Variants in EBF1 observed in about 807,000 individuals in gnomAD.
EBF1 encodes the protein transcription factor COE1.
EBF1 carries 10 observed loss-of-function variants against 68.4 expected under a neutral mutation model. The ratio of observed to expected loss-of-function variants is 0.15; its 90% CI spans 0.09 to 0.25. The LOEUF is 0.25. Among genes scored for constraint, EBF1 ranks in the 10% least tolerant of loss-of-function variants. The probability of loss-of-function intolerance (pLI) is 1.00; values close to 1 mark genes in which losing one functional copy is unlikely to be tolerated. For missense variants in EBF1, 509 were observed against 794.4 expected, an observed-to-expected ratio of 0.64 and a Z score of 4.32; for synonymous variants, 298 against 299.8, an observed-to-expected ratio of 0.99 and a Z score of 0.06.
At chr5:158,951,842 A>C (rs557714694) in intron 6 of EBF1, among the ~76,000 whole-genome samples, 1 of 152,370 alleles carries the variant, frequency 6.6e-6, no homozygotes, top group Non-Finnish European at 1.5e-5. Flanking sequence ...AAACAGAGAC[A>C]GGACACAGAA....
At chr5:158,853,430 T>C (rs1481954662) in intron 6 of EBF1, among the ~76,000 whole-genome samples, 5 of 152,196 alleles carry the variant, frequency 3.3e-5, no homozygotes, top group Non-Finnish European at 7.3e-5. Context: ...TTTATGAGAG[T>C]TGAACCCAAA....
At chr5:158,715,800 T>C (rs1453606822) in intron 11 of EBF1, among the ~76,000 whole-genome samples, 1 of 152,188 alleles carries the variant, frequency 6.6e-6, no homozygotes, top group Non-Finnish European at 1.5e-5. Flanking sequence ...AAATTCAGCC[T>C]GTGTTGCCTT....
chr5:158,827,058 A>T lies in EBF1; in HGVS notation c.637-3741T>A, dbSNP rs568579229. ...AACCACCATACTTAACTCATAAGGTAACTGTGAGGCTTAAATTAATTAAAG... is the reference window on the plus strand; with the variant it reads ...AACCACCATACTTAACTCATAAGGTTACTGTGAGGCTTAAATTAATTAAAG... On this transcript the variant is annotated intron_variant, in intron 7 of 15. Transcript: ENST00000313708. Among the ~76,000 whole-genome samples, 3 of 152,296 alleles carry T rather than the reference A, an allele frequency of 2.0e-5. No individual in the cohort carries two copies. The East Asian group carries it at 5.8e-4, about 29-fold the overall frequency.
intron 15 of EBF1, among the ~76,000 whole-genome samples, chr5:158,700,900 G>C (rs1581133545): frequency 6.6e-6 from 1 of 152,190 alleles, no homozygotes; most frequent in East Asian, 1.9e-4. Flanking sequence ...AACCCCCAAA[G>C]ACTTGAGATC....
chr5:158,698,654 C>CTTTTTTTTTTTTTTTT lies in EBF1; in HGVS notation c.*456_*457insAAAAAAAAAAAAAAAA, dbSNP rs1756130738. The CTTTTTTTTTTTTTTTT allele has an allele frequency of 5.4e-6, 1 of 185,610 alleles. No individual in the cohort carries two copies. Among genetic ancestry groups the CTTTTTTTTTTTTTTTT allele is most frequent in the African/African-American group, 2.5e-5 (1 of 40,652 alleles). The allele number at this position is 185,610 out of a possible 1,614,324, so 11.5% of individuals were successfully genotyped here. A position where few individuals can be genotyped will look rare whatever the true frequency, so the allele number is the denominator to read the frequency against. ...GTCCCATACAAGCTTTTTTTTTTTT[C>CTTTTTTTTTTTTTTTT]CTTTTTTTCTTTTTTTTTTTTTTTA... On this transcript the variant is annotated 3_prime_UTR_variant, in exon 16 of 16. Coordinates refer to ENST00000313708, the MANE Select transcript of EBF1 (RefSeq NM_024007.5).
intron 11 of EBF1, among the ~76,000 whole-genome samples, chr5:158,720,040 C>T (rs1415962912): frequency 6.6e-6 from 1 of 152,194 alleles, no homozygotes; most frequent in African/African-American, 2.4e-5. Context: ...CACCAATCTA[C>T]TTTGCTTTAT....
At chr5:158,936,092 G>A (rs1329623548) in intron 6 of EBF1, among the ~76,000 whole-genome samples, 2 of 152,292 alleles carry the variant, frequency 1.3e-5, no homozygotes, top group Non-Finnish European at 1.5e-5. Context: ...ATAAATATAT[G>A]TGCATGTTCC....
intron 6 of EBF1, among the ~76,000 whole-genome samples, chr5:159,049,956 T>G (rs1773199639): frequency 2.0e-5 from 3 of 152,146 alleles, no homozygotes; most frequent in Admixed American, 1.3e-4. Context: ...GCTTTCTCTT[T>G]CTCTCCCTCT....
intron 6 of EBF1, among the ~76,000 whole-genome samples, chr5:158,979,327 TAAAC>T (rs1015133134): frequency 5.3e-5 from 8 of 152,062 alleles, no homozygotes; most frequent in African/African-American, 1.2e-4. Context: ...ATAAAACAAA[TAAAC>T]AAAATCTGTG....
chr5:158,864,650 G>T (rs139448641), intron 6 of EBF1, among the ~76,000 whole-genome samples: 4 of 152,266 alleles, frequency 2.6e-5, no homozygotes, highest in Non-Finnish European at 5.9e-5. Context: ...GTCAGTTACC[G>T]ACTCCAGCTA....
chr5:159,068,682 G>A (rs917745198), intron 6 of EBF1, among the ~76,000 whole-genome samples: 1 of 151,968 alleles, frequency 6.6e-6, no homozygotes, highest in South Asian at 2.1e-4. Context: ...AAATCAACAG[G>A]CAAATGGGCA....
At chr5:158,748,665 C>T (rs758306202) in intron 10 of EBF1, among the ~76,000 whole-genome samples, 1 of 152,162 alleles carries the variant, frequency 6.6e-6, no homozygotes, top group Admixed American at 6.5e-5. Flanking sequence ...ATTAAGTGCT[C>T]ATCTTCACAA....
At chr5:159,076,007 C>T (rs1234617442) in intron 5 of EBF1, among the ~76,000 whole-genome samples, 1 of 151,552 alleles carries the variant, frequency 6.6e-6, no homozygotes, top group Non-Finnish European at 1.5e-5. Flanking sequence ...TGACACCCCA[C>T]CTTTAATCTA....
intron 6 of EBF1, among the ~76,000 whole-genome samples, chr5:158,877,944 A>G (rs1246110945): frequency 1.3e-5 from 2 of 151,794 alleles, no homozygotes; most frequent in East Asian, 1.9e-4. Context: ...GCATATGCCA[A>G]CTCCTGAGTC....
At chr5:158,832,719 A>G (rs1417696196) in intron 7 of EBF1, among the ~76,000 whole-genome samples, 1 of 152,212 alleles carries the variant, frequency 6.6e-6, no homozygotes, top group Non-Finnish European at 1.5e-5. Context: ...AGAATCCTCT[A>G]ATCATTCCCT....
At chr5:158,832,074 A>G (rs1345365579) in intron 7 of EBF1, among the ~76,000 whole-genome samples, 1 of 152,222 alleles carries the variant, frequency 6.6e-6, no homozygotes, top group African/African-American at 2.4e-5. Context: ...GGAAGAATAT[A>G]AGGATACCTT....
intron 10 of EBF1, among the ~76,000 whole-genome samples, chr5:158,758,577 G>A (rs566557968): frequency 1.7e-4 from 26 of 152,226 alleles, no homozygotes; most frequent in Admixed American, 1.5e-3. Context: ...TATTAGAAAA[G>A]TAATCTTAAT....
intron 6 of EBF1, among the ~76,000 whole-genome samples, chr5:159,035,720 A>G (rs191039918): frequency 6.6e-6 from 1 of 152,334 alleles, no homozygotes; most frequent in East Asian, 1.9e-4. Context: ...AAATTATTTT[A>G]TATGGGTAGG....
At chr5:158,827,813 T>C (rs570821417) in intron 7 of EBF1, among the ~76,000 whole-genome samples, 4 of 152,322 alleles carry the variant, frequency 2.6e-5, no homozygotes, top group Non-Finnish European at 5.9e-5. Flanking sequence ...TTGAAATTTG[T>C]ATCTTTAAGC....
Sources: allele counts gnomAD v4.1 joint callset (sites outside exome capture counted in the v4.1 genomes callset), GRCh38; gene constraint gnomAD v4.1.1; transcripts MANE v1.5; gene names NCBI Gene and HGNC (gene_info 2026-07-23, HGNC 2026-07-21).